Variants in FRAS1 observed in about 807,000 individuals in gnomAD.
FRAS1 encodes extracellular matrix organizing protein FRAS1.
Under a neutral mutation model 435.2 loss-of-function variants are expected in FRAS1, and 290 were observed. The ratio of observed to expected loss-of-function variants is 0.67; its 90% CI spans 0.61 to 0.73. FRAS1 has a LOEUF of 0.73. Ranked by LOEUF, FRAS1 falls within the 30% of genes least tolerant of loss-of-function variation. The pLI is 0.00. For synonymous variants in FRAS1, 1,800 were observed against 1,851.0 expected, an observed-to-expected ratio of 0.97 and a Z score of 0.71; for missense variants, 4,860 against 5,001.5, an observed-to-expected ratio of 0.97 and a Z score of 0.85.
chr4:78,099,829 G>A (rs1460539931), intron 2 of FRAS1, among the ~76,000 whole-genome samples: 3 of 152,304 alleles, frequency 2.0e-5, no homozygotes, highest in East Asian at 3.9e-4. Flanking sequence ...TGGACCTCAA[G>A]TTCATCCTGT....
At chr4:78,385,010 T>G (rs1404365809) in intron 28 of FRAS1, among the ~76,000 whole-genome samples, 1 of 152,014 alleles carries the variant, frequency 6.6e-6, no homozygotes, top group Non-Finnish European at 1.5e-5. Flanking sequence ...AGAATATTAT[T>G]AAGGATCTAC....
chr4:78,226,440 T>A (rs1002054939), intron 2 of FRAS1, among the ~76,000 whole-genome samples: 1 of 152,110 alleles, frequency 6.6e-6, no homozygotes, highest in Non-Finnish European at 1.5e-5. Context: ...ATTTTCATTC[T>A]TGAAAGGTAT....
At chr4:78,149,983 G>A (rs1055950875) in intron 2 of FRAS1, among the ~76,000 whole-genome samples, 3 of 152,182 alleles carry the variant, frequency 2.0e-5, no homozygotes, top group African/African-American at 7.2e-5. Context: ...ACAAGTGAGT[G>A]GGAGGTTGGG....
intron 7 of FRAS1, 69 bp from the exon 8 acceptor site, chr4:78,266,765 G>T: frequency 8.5e-7 from 1 of 1,178,136 alleles, no homozygotes. Context: ...GGTGTCTTAT[G>T]TGACAGTGCT....
intron 67 of FRAS1, 138 bp downstream of exon 67, chr4:78,519,619 G>A (rs1029104116): frequency 6.3e-6 from 6 of 950,952 alleles, no homozygotes; most frequent in African/African-American, 5.0e-5. Flanking sequence ...ACCTCAAAGT[G>A]CAGATCTGTG....
At chr4:78,161,450 G>C (rs1229594013) in intron 2 of FRAS1, among the ~76,000 whole-genome samples, 3 of 151,946 alleles carry the variant, frequency 2.0e-5, no homozygotes, top group Non-Finnish European at 4.4e-5. Flanking sequence ...CGTGATGTGG[G>C]AATCATTATA....
At chr4:78,104,625 G>A (rs1189609990) in intron 2 of FRAS1, among the ~76,000 whole-genome samples, 1 of 152,134 alleles carries the variant, frequency 6.6e-6, no homozygotes, top group African/African-American at 2.4e-5. Flanking sequence ...GTATAAATTT[G>A]TTTATTCATT....
At chr4:78,241,633 A>T (rs1171527563) in intron 3 of FRAS1, among the ~76,000 whole-genome samples, 1 of 152,078 alleles carries the variant, frequency 6.6e-6, no homozygotes, top group African/African-American at 2.4e-5. Context: ...TAACATGAAT[A>T]GGAGAATGGG....
intron 61 of FRAS1, among the ~76,000 whole-genome samples, chr4:78,500,566 G>A (rs1496586): frequency 0.33 from 50,075 of 151,974 alleles, 8,989 homozygotes; most frequent in South Asian, 0.52. Context: ...AATCTAACTG[G>A]TATAGATCCT....
chr4:78,329,026 G>A (rs1239924977), intron 18 of FRAS1, among the ~76,000 whole-genome samples: 5 of 152,216 alleles, frequency 3.3e-5, no homozygotes, highest in East Asian at 3.9e-4. Context: ...TCTGAACTGC[G>A]AGTATGGGAA....
intron 45 of FRAS1, among the ~76,000 whole-genome samples, chr4:78,450,683 A>T (rs1259607885): frequency 6.6e-6 from 1 of 152,140 alleles, no homozygotes; most frequent in Non-Finnish European, 1.5e-5. Flanking sequence ...GGTGAAAATT[A>T]TGCCTTCCTT....
At position 78,113,876 on chromosome 4, in the gene FRAS1, T is replaced by C. The variant is rs1025693609; in HGVS notation, c.108+47860T>C. ...TTTTGGCTTTTGTTGCCATTGCTTT[T>C]GGTGTATTAGACATGAAGTCCTTGC... On this transcript the variant is annotated intron_variant, in intron 2 of 73. Coordinates refer to ENST00000512123, the MANE Select transcript of FRAS1 (RefSeq NM_025074.7). Among the ~76,000 whole-genome samples, 17 of 152,240 alleles carry C rather than the reference T, an allele frequency of 1.1e-4. 1 individual carries two copies. Among genetic ancestry groups the C allele is most frequent in the Admixed American group, 9.8e-4 (15 of 15,282 alleles).
intron 29 of FRAS1, among the ~76,000 whole-genome samples, chr4:78,391,696 A>G (rs746392759): frequency 4.6e-5 from 7 of 152,164 alleles, no homozygotes; most frequent in Non-Finnish European, 7.4e-5. Context: ...TTTAATGTCA[A>G]AAGTCCCCAA....
intron 2 of FRAS1, among the ~76,000 whole-genome samples, chr4:78,185,994 CA>C (rs1422668880): frequency 6.6e-6 from 1 of 152,178 alleles, no homozygotes; most frequent in East Asian, 1.9e-4. Context: ...CTCCAAAAAA[CA>C]CTTAACCTTA....
At chr4:78,410,708 T>G (rs918753709) in intron 31 of FRAS1, among the ~76,000 whole-genome samples, 7 of 152,208 alleles carry the variant, frequency 4.6e-5, no homozygotes, top group African/African-American at 1.7e-4. Flanking sequence ...GTGGTGATTA[T>G]TTTGGGTTAA....
At position 78,314,992 on chromosome 4, in the gene FRAS1, T is replaced by A. The variant is rs990848502; in HGVS notation, c.1679-602T>A. On this transcript the variant is annotated intron_variant, in intron 15 of 73. Coordinates refer to ENST00000512123, the MANE Select transcript of FRAS1 (RefSeq NM_025074.7). ...AAGCTACTTAAAGTGAAAACTAAGT[T>A]GATTTTGTTTTTGTGTTTCTAACCC... is the stretch of plus-strand genomic sequence containing the variant. 3.9e-5 allele frequency among the ~76,000 whole-genome samples: 6 copies of A among 152,348 alleles called. No individual in the cohort carries two copies. In the East Asian group the frequency reaches 1.2e-3, roughly 29 times the overall value.
intron 2 of FRAS1, among the ~76,000 whole-genome samples, chr4:78,222,206 A>T (rs1051749773): frequency 2.0e-5 from 3 of 152,178 alleles, no homozygotes; most frequent in Non-Finnish European, 4.4e-5. Context: ...TGTGGAATCT[A>T]TTGGAACACC....
chr4:78,436,612 T>A (rs1039170862), intron 38 of FRAS1, among the ~76,000 whole-genome samples: 10 of 152,088 alleles, frequency 6.6e-5, no homozygotes, highest in African/African-American at 2.4e-4. Context: ...CTTGACAGAA[T>A]ATTAGCGAAC....
At chr4:78,436,280 T>A (rs1479926744) in intron 38 of FRAS1, among the ~76,000 whole-genome samples, 2 of 152,148 alleles carry the variant, frequency 1.3e-5, no homozygotes, top group Non-Finnish European at 2.9e-5. Flanking sequence ...CCTTCATTAG[T>A]GGTCAGGGAA....
Sources: gnomAD v4.1 joint callset for allele counts (sites outside exome capture counted in the v4.1 genomes callset) on GRCh38, gnomAD v4.1.1 for gene constraint, MANE v1.5 for transcripts, NCBI Gene and HGNC (gene_info 2026-07-23, HGNC 2026-07-21) for gene names.